PRDM6: variants seen among roughly 807,000 people sequenced by gnomAD.
The protein encoded by PRDM6 is PR/SET domain 6.
In PRDM6, 25 loss-of-function variants were observed where a neutral mutation model predicts 60.8. The ratio of observed to expected loss-of-function variants is 0.41; its 90% confidence interval spans 0.30 to 0.57. PRDM6 has a LOEUF of 0.57. Ranked by LOEUF, PRDM6 falls within the 20% of genes least tolerant of loss-of-function variation. PRDM6 has a pLI of 0.27. For missense variants in PRDM6, 839 were observed against 821.3 expected, an observed-to-expected ratio of 1.02 and a Z score of -0.26; for synonymous variants, 407 against 357.4, an observed-to-expected ratio of 1.14 and a Z score of -1.57.
At position 123,171,104 on chromosome 5, in the gene PRDM6, G is replaced by A. The variant is rs192904828; in HGVS notation, c.1492G>A (p.Asp498Asn). Residue 498 changes from aspartate (D) to asparagine (N), a missense_variant, in exon 6 of 8, where the codon GAC (aspartate) becomes AAC (asparagine). Asp to Asn is a conservative substitution (Grantham distance 23, BLOSUM62 1). Transcript: ENST00000407847. Reference protein sequence around the residue: ...LQMHVCTQNPDRPYQCGHCSQ... With the variant: ...LQMHVCTQNPNRPYQCGHCSQ... The stretch of plus-strand genomic sequence containing the variant: ...GATGCACGTGTGCACGCAGAACCCC[G>A]ACAGGTAACCCTGACTCTCACTGCT... 9.8e-6 allele frequency: 15 copies of A among 1,533,200 alleles called. No individual in the cohort carries two copies. The highest frequency in any genetic ancestry group is 1.2e-5 in the South Asian group (1 of 80,466). 95.0% of individuals were successfully genotyped at this position (1,533,200 alleles called of 1,614,324 possible). A position where few individuals can be genotyped will look rare whatever the true frequency, so the allele number is the denominator to read the frequency against.
chr5:123,120,835 G>A (rs2150217649), intron 3 of PRDM6, among the ~76,000 whole-genome samples: 1 of 152,216 alleles, frequency 6.6e-6, no homozygotes, highest in Admixed American at 6.5e-5. Context: ...CATTATTTTA[G>A]TGAGCATATT....
chr5:123,155,264 T>C (rs57167916), intron 3 of PRDM6, among the ~76,000 whole-genome samples: 1,481 of 101,176 alleles, frequency 0.015, 12 homozygotes, highest in African/African-American at 0.036. Context: ...GGGTCTCTCT[T>C]TTTTTTTTTT....
intron 3 of PRDM6, among the ~76,000 whole-genome samples, chr5:123,154,803 T>C (rs1218902852): frequency 6.6e-6 from 1 of 152,158 alleles, no homozygotes; most frequent in Non-Finnish European, 1.5e-5. Flanking sequence ...AGCAGAAGGA[T>C]CCCACTGCTG....
At chr5:123,153,878 T>A (rs1468206463) in intron 3 of PRDM6, among the ~76,000 whole-genome samples, 1 of 152,166 alleles carries the variant, frequency 6.6e-6, no homozygotes, top group Non-Finnish European at 1.5e-5. Flanking sequence ...AAAGGAGGAT[T>A]GTTGTGTGCA....
In PRDM6 at chr5:123,155,865, C is replaced by T; in HGVS notation, c.901-19C>T. ...TGATGATTCGTTCTAACTACTTGAC[C>T]TTCTGACCTCTTCTCCAGATATATG... On this transcript the variant is annotated intron_variant, in intron 3 of 7. Transcript: ENST00000407847. The T allele has an allele frequency of 1.9e-6, 3 of 1,548,566 alleles. No individual in the cohort carries two copies. Among genetic ancestry groups the T allele is most frequent in the East Asian group, 2.4e-5 (1 of 40,908 alleles).
intron 6 of PRDM6, among the ~76,000 whole-genome samples, chr5:123,176,670 G>A (rs559369609): frequency 1.8e-4 from 27 of 152,212 alleles, no homozygotes; most frequent in African/African-American, 4.8e-4. Flanking sequence ...CCACGATCAC[G>A]CCACTGTACT....
At chr5:123,137,639 G>T (rs1432689024) in intron 3 of PRDM6, among the ~76,000 whole-genome samples, 1 of 152,150 alleles carries the variant, frequency 6.6e-6, no homozygotes, top group Non-Finnish European at 1.5e-5. Flanking sequence ...GGGCCTGTCA[G>T]GGGGTGGGGG....
At chr5:123,183,691 G>A (rs563591228) in intron 7 of PRDM6, among the ~76,000 whole-genome samples, 2 of 152,304 alleles carry the variant, frequency 1.3e-5, no homozygotes, top group African/African-American at 2.4e-5. Context: ...AGGAGCAAAC[G>A]CAAGATATCA....
intron 3 of PRDM6, among the ~76,000 whole-genome samples, chr5:123,148,595 C>CTT (rs10709227): frequency 6.8e-6 from 1 of 147,246 alleles, no homozygotes; most frequent in African/African-American, 2.5e-5. Context: ...TATGCATTGT[C>CTT]TTTTTTTTTT....
At chr5:123,127,733 C>CTTCTTTCCT (rs1397832859) in intron 3 of PRDM6, among the ~76,000 whole-genome samples, 8 of 140,620 alleles carry the variant, frequency 5.7e-5, no homozygotes, top group South Asian at 2.3e-4. Flanking sequence ...TCTTTCTTTC[C>CTTCTTTCCT]TTCTTTCCTT....
At position 123,099,755 on chromosome 5, in the gene PRDM6, G is replaced by A. The variant is rs1179356590; in HGVS notation, c.694G>A (p.Ala232Thr). The change falls in exon 3 of 8, where the codon GCG (alanine) becomes ACG (threonine). Residue 232 changes from alanine (A) to threonine (T), a missense_variant. Physicochemically the swap from Ala to Thr is moderately conservative, Grantham distance 58. Coordinates refer to ENST00000407847, the MANE Select transcript of PRDM6 (RefSeq NM_001136239.4). This position sits in a 1 kb window ranked among gnomAD's most constrained non-coding sequence, Gnocchi z 4.0. ...LVGTSSAAAAAPPPELPEWLR... is the reference protein window; with the variant it reads ...LVGTSSAAAATPPPELPEWLR... ...GGGCACCAGCAGCGCTGCGGCCGCC[G>A]CGCCCCCGCCGGAGCTGCCGGAGTG... is the stretch of plus-strand genomic sequence containing the variant. 34 of 1,546,280 alleles carry A rather than the reference G, an allele frequency of 2.2e-5. No individual in the cohort carries two copies. The highest frequency in any genetic ancestry group is 2.9e-5 in the Non-Finnish European group (33 of 1,145,050).
In PRDM6 at chr5:123,181,099, A is replaced by G. The variant is rs74630205; in HGVS notation, c.1673+776A>G. Among the ~76,000 whole-genome samples, 863 of 152,278 alleles carry G rather than the reference A, an allele frequency of 5.7e-3. 12 individuals are homozygous for G. The highest frequency in any genetic ancestry group is 0.02 in the African/African-American group (832 of 41,562). On this transcript the variant is annotated intron_variant, in intron 7 of 7. Transcript: ENST00000407847. ...CATTCACTTATTCACTCATTCATTC[A>G]TTTACTCATTCAGTTATGTATGTGT...
chr5:123,150,160 G>C (rs1388533635), intron 3 of PRDM6, among the ~76,000 whole-genome samples: 4 of 151,982 alleles, frequency 2.6e-5, no homozygotes, highest in Non-Finnish European at 5.9e-5. Context: ...TTTTATATCA[G>C]CTCTTTGAGG....
intron 3 of PRDM6, among the ~76,000 whole-genome samples, chr5:123,130,818 C>T (rs1440262166): frequency 5.3e-5 from 8 of 152,150 alleles, no homozygotes; most frequent in African/African-American, 9.7e-5. Context: ...CCGCCTGCCT[C>T]GGCCTCCCAA....
intron 6 of PRDM6, among the ~76,000 whole-genome samples, chr5:123,175,338 A>G (rs1765980865): frequency 6.6e-6 from 1 of 152,034 alleles, no homozygotes; most frequent in South Asian, 2.1e-4. Context: ...ACCTATTCAC[A>G]TTTGTGTTTT....
chr5:123,181,064 A>T (rs1374700369), intron 7 of PRDM6, among the ~76,000 whole-genome samples: 1 of 152,244 alleles, frequency 6.6e-6, no homozygotes, highest in Non-Finnish European at 1.5e-5. Flanking sequence ...TCCGTGCAAG[A>T]TGGTCTATTC....
intron 2 of PRDM6, among the ~76,000 whole-genome samples, chr5:123,097,052 T>C (rs992183199): frequency 6.6e-6 from 1 of 152,342 alleles, no homozygotes; most frequent in Non-Finnish European, 1.5e-5. Context: ...ATCAGTTAAG[T>C]AACTCCCTGG....
chr5:123,179,264 C>T (rs1026496716), intron 6 of PRDM6, among the ~76,000 whole-genome samples: 5 of 152,166 alleles, frequency 3.3e-5, no homozygotes, highest in African/African-American at 1.2e-4. Flanking sequence ...TATTTGTCAC[C>T]ACTTCCTTCC....
At chr5:123,098,335 G>A (rs1349355252) in intron 2 of PRDM6, among the ~76,000 whole-genome samples, 2 of 152,224 alleles carry the variant, frequency 1.3e-5, no homozygotes. Context: ...ACACTTGCGC[G>A]GGGTCGCCGT....
Sources: gnomAD v4.1 joint callset for allele counts (sites outside exome capture counted in the v4.1 genomes callset) on GRCh38, gnomAD v4.1.1 for gene constraint, Gnocchi (gnomAD v3.1) non-coding constraint, MANE v1.5 for transcripts, NCBI Gene and HGNC (gene_info 2026-07-23, HGNC 2026-07-21) for gene names.